The following FERMT2 variants were observed in gnomAD, a reference collection of about 807,000 sequenced individuals.
FERMT2 encodes FERM domain containing kindlin 2.
A neutral mutation model predicts 82.7 loss-of-function variants in FERMT2; 15 were observed. That is an observed-to-expected ratio of 0.18 (90% CI 0.12 to 0.28). FERMT2 has a LOEUF of 0.28. FERMT2 is among the 10% of genes least tolerant of loss of function. The pLI is 1.00. For missense variants in FERMT2, 645 were observed against 809.4 expected (o/e 0.80, Z 2.46); for synonymous variants, 274 against 271.5 (o/e 1.01, Z -0.09).
intron 3 of FERMT2, among the ~76,000 whole-genome samples, chr14:52,909,851 G>C (rs554654181): frequency 6.6e-6 from 1 of 151,972 alleles, no homozygotes; most frequent in East Asian, 1.9e-4. Flanking sequence ...TCAAGGGATC[G>C]AGACCATCCT....
intron 3 of FERMT2, among the ~76,000 whole-genome samples, chr14:52,894,117 G>A (rs1057512874): frequency 2.0e-5 from 3 of 152,186 alleles, no homozygotes; most frequent in African/African-American, 7.2e-5. Flanking sequence ...GTGAGCCACC[G>A]TGCCCGGCCC....
intron 7 of FERMT2, 68 bp downstream of exon 7, chr14:52,878,514 T>G (rs1403008926): frequency 2.1e-6 from 2 of 973,584 alleles, no homozygotes; most frequent in Non-Finnish European, 3.2e-6. Context: ...ACTATTCCAC[T>G]TTACTGTTTA....
At chr14:52,902,892 C>A (rs3951249) in intron 3 of FERMT2, among the ~76,000 whole-genome samples, 8,739 of 36,022 alleles carry the variant, frequency 0.24, 1,488 homozygotes, top group Non-Finnish European at 0.31. Context: ...AAAAAAAAAA[C>A]CCCAAAACAC....
chr14:52,880,639 C>T (rs1035333050), intron 6 of FERMT2, among the ~76,000 whole-genome samples: 1 of 152,048 alleles, frequency 6.6e-6, no homozygotes, highest in African/African-American at 2.4e-5. Flanking sequence ...CCATGTGATC[C>T]GCCCACCTTG....
At chr14:52,887,564 C>G (rs1485844997) in intron 4 of FERMT2, among the ~76,000 whole-genome samples, 1 of 151,866 alleles carries the variant, frequency 6.6e-6, no homozygotes, top group Non-Finnish European at 1.5e-5. Flanking sequence ...CATGGTAGCT[C>G]ATGCCCATAA....
intron 6 of FERMT2, among the ~76,000 whole-genome samples, chr14:52,879,890 T>C (rs1886189237): frequency 6.6e-6 from 1 of 152,180 alleles, no homozygotes; most frequent in Non-Finnish European, 1.5e-5. Context: ...TGAAGTACTA[T>C]GGTAGCAGAG....
chr14:52,892,287 G>T (rs1264086993), intron 4 of FERMT2, among the ~76,000 whole-genome samples: 1 of 150,566 alleles, frequency 6.6e-6, no homozygotes, highest in African/African-American at 2.4e-5. Flanking sequence ...GATTACAGGT[G>T]CCTGTCACCA....
chr14:52,946,755 C>T (rs1890375415), intron 2 of FERMT2, among the ~76,000 whole-genome samples: 1 of 152,108 alleles, frequency 6.6e-6, no homozygotes, highest in African/African-American at 2.4e-5. Flanking sequence ...TCACTGCAAC[C>T]TCCGCCTCCC....
chr14:52,878,722 A>G, intron 6 of FERMT2, 33 bp from the exon 7 acceptor site: 1 of 1,169,730 alleles, frequency 8.5e-7, no homozygotes, highest in Non-Finnish European at 1.2e-6. Context: ...TTTGTAATAT[A>G]TAACCTTTAC....
rs538588898 is a variant in FERMT2 at position 52,886,960 on chromosome 14, G to A, written c.527-5491C>T. ...ATTAAAAAATATATGAGGTCCATCA[G>A]TATGTATCATCAAGTGAGAAAACAC... On this transcript the variant is annotated intron_variant, in intron 4 of 14. Transcript: ENST00000341590. 9.2e-5 allele frequency among the ~76,000 whole-genome samples: 14 copies of A among 152,208 alleles called. No homozygotes were observed. In the South Asian group the frequency reaches 2.1e-3, roughly 23 times the overall value.
At chr14:52,869,594 G>A (rs1239083228) in intron 10 of FERMT2, among the ~76,000 whole-genome samples, 2 of 152,132 alleles carry the variant, frequency 1.3e-5, no homozygotes, top group Non-Finnish European at 2.9e-5. Flanking sequence ...CTATTCTGCT[G>A]CCAGTAATAG....
chr14:52,942,923 T>C (rs949922811), intron 2 of FERMT2, among the ~76,000 whole-genome samples: 1 of 152,070 alleles, frequency 6.6e-6, no homozygotes, highest in African/African-American at 2.4e-5. Context: ...TATAAAAATA[T>C]CACTCTTGGC....
Position 52,941,903 on chromosome 14 carries a change from C to A in FERMT2, c.157+8509G>T, listed in dbSNP as rs116582489. ...CCATCATCCACTTATTGGTCCCCTG[C>A]ATTTCAGAAATCTTATTAAAATGGT... On this transcript the variant is annotated intron_variant, in intron 2 of 14. Coordinates refer to ENST00000341590, the MANE Select transcript of FERMT2 (RefSeq NM_006832.3). Among the ~76,000 whole-genome samples, 207 of 152,306 alleles carry A rather than the reference C, an allele frequency of 1.4e-3. 1 individual carries two copies. Among genetic ancestry groups the A allele is most frequent in the African/African-American group, 4.9e-3 (203 of 41,550 alleles).
intron 2 of FERMT2, among the ~76,000 whole-genome samples, chr14:52,943,369 T>C (rs1458652765): frequency 6.6e-6 from 1 of 152,220 alleles, no homozygotes; most frequent in Non-Finnish European, 1.5e-5. Context: ...TGTATCTTAA[T>C]GTAATGTCAA....
At chr14:52,913,160 G>A (rs2296495) in intron 3 of FERMT2, among the ~76,000 whole-genome samples, 13,596 of 152,076 alleles carry the variant, frequency 0.089, 742 homozygotes, top group East Asian at 0.21. Flanking sequence ...ATATCACCCC[G>A]AGATAACCTC....
intron 10 of FERMT2, among the ~76,000 whole-genome samples, chr14:52,870,272 G>A (rs1270619125): frequency 2.0e-5 from 3 of 147,228 alleles, no homozygotes; most frequent in Non-Finnish European, 4.5e-5. Flanking sequence ...TTTTGGAGAC[G>A]GAGTTTCGTT....
intron 4 of FERMT2, among the ~76,000 whole-genome samples, chr14:52,890,587 A>G (rs1451390158): frequency 1.3e-5 from 2 of 149,716 alleles, no homozygotes; most frequent in Admixed American, 6.8e-5. Flanking sequence ...ACAATATTAC[A>G]TAGACATAAT....
At chr14:52,945,236 T>G (rs998724993) in intron 2 of FERMT2, among the ~76,000 whole-genome samples, 24 of 149,614 alleles carry the variant, frequency 1.6e-4, no homozygotes, top group African/African-American at 6.1e-4. Flanking sequence ...TATGTTTTTT[T>G]GTTGTTGTTT....
chr14:52,865,127 A>C (rs1885192927), intron 10 of FERMT2, among the ~76,000 whole-genome samples: 1 of 152,158 alleles, frequency 6.6e-6, no homozygotes, highest in Non-Finnish European at 1.5e-5. Flanking sequence ...GTTTGAGACC[A>C]GCTGACCAAC....
Sources: allele counts gnomAD v4.1 joint callset (sites outside exome capture counted in the v4.1 genomes callset), GRCh38; gene constraint gnomAD v4.1.1; transcripts MANE v1.5; gene names NCBI Gene and HGNC (gene_info 2026-07-23, HGNC 2026-07-21).